CTNNA2: variants seen among roughly 807,000 people sequenced by gnomAD.
CTNNA2 encodes the protein catenin alpha 2.
Under a neutral mutation model 101.0 loss-of-function variants are expected in CTNNA2, and 42 were observed. That is an observed-to-expected ratio of 0.42 (90% CI 0.32 to 0.54). The LOEUF is 0.54. Ranked by LOEUF, CTNNA2 falls within the 20% of genes least tolerant of loss-of-function variation. CTNNA2 has a pLI of 0.14. For missense variants in CTNNA2, 871 were observed against 1,223.1 expected (o/e 0.71, Z 4.29); for synonymous variants, 450 against 456.4 (o/e 0.99, Z 0.18).
intron 3 of CTNNA2, among the ~76,000 whole-genome samples, chr2:79,763,012 T>C (rs1672903288): frequency 6.6e-6 from 1 of 152,210 alleles, no homozygotes; most frequent in African/African-American, 2.4e-5. Flanking sequence ...ACCCAAGTGC[T>C]CTTATCCCCT....
intron 2 of CTNNA2, among the ~76,000 whole-genome samples, chr2:79,280,795 C>A (rs1675356955): frequency 6.6e-6 from 1 of 151,946 alleles, no homozygotes; most frequent in African/African-American, 2.4e-5. Flanking sequence ...CTAGAACATG[C>A]TGTGACTGCA....
intron 4 of CTNNA2, among the ~76,000 whole-genome samples, chr2:79,497,839 A>T (rs1671276098): frequency 6.6e-6 from 1 of 152,226 alleles, no homozygotes; most frequent in South Asian, 2.1e-4. Context: ...TTATATATAA[A>T]TTTCAAGGTG....
At chr2:79,666,467 G>C (rs901072829) in intron 2 of CTNNA2, among the ~76,000 whole-genome samples, 2 of 152,044 alleles carry the variant, frequency 1.3e-5, no homozygotes, top group African/African-American at 4.8e-5. Context: ...GTGCATTTTT[G>C]TCTTTGTTCT....
At chr2:80,212,758 T>G (rs1224350921) in intron 7 of CTNNA2, among the ~76,000 whole-genome samples, 2 of 152,182 alleles carry the variant, frequency 1.3e-5, no homozygotes, top group South Asian at 2.1e-4. Flanking sequence ...GGATTCCCTC[T>G]TTTTCTATTG....
intron 2 of CTNNA2, among the ~76,000 whole-genome samples, chr2:79,700,338 T>C (rs1684921182): frequency 1.3e-5 from 2 of 152,158 alleles, no homozygotes; most frequent in African/African-American, 4.8e-5. Flanking sequence ...ATAGCATTTC[T>C]GATGCTGATG....
At chr2:80,133,114 A>T (rs1702500741) in intron 7 of CTNNA2, among the ~76,000 whole-genome samples, 1 of 152,178 alleles carries the variant, frequency 6.6e-6, no homozygotes, top group Non-Finnish European at 1.5e-5. Context: ...TTGGACACAG[A>T]CATACAAGGA....
chr2:79,498,967 TCTATACTGTAGACCTCA>T (rs1278846057), intron 4 of CTNNA2: 1 of 152,250 alleles, frequency 6.6e-6, no homozygotes, highest in African/African-American at 2.4e-5. Context: ...CAATCCAGTA[TCTATACTGTAGACCTCA>T]GTGAAGGCTG....
chr2:80,541,154 T>C (rs1691519189), intron 9 of CTNNA2, among the ~76,000 whole-genome samples: 1 of 151,000 alleles, frequency 6.6e-6, no homozygotes, highest in Middle Eastern at 3.4e-3. Flanking sequence ...AAAGGGAAGG[T>C]AGGGATTTGG....
intron 7 of CTNNA2, among the ~76,000 whole-genome samples, chr2:80,222,440 A>T (rs569871373): frequency 5.6e-4 from 85 of 152,294 alleles, no homozygotes; most frequent in Non-Finnish European, 1.1e-3. Context: ...GAAAGTCATG[A>T]CTCAGATCTT....
chr2:79,270,604 A>T (rs979897625), intron 2 of CTNNA2, among the ~76,000 whole-genome samples: 1 of 151,946 alleles, frequency 6.6e-6, no homozygotes, highest in Non-Finnish European at 1.5e-5. Flanking sequence ...GTTCCTCTCT[A>T]TGCAGCTCCC....
intron 2 of CTNNA2, among the ~76,000 whole-genome samples, chr2:79,660,814 C>CAGA (rs905896574): frequency 1.5e-4 from 23 of 151,934 alleles, no homozygotes; most frequent in African/African-American, 5.3e-4. Context: ...GAGTAATGTA[C>CAGA]AGAACCCTTT....
At chr2:79,707,789 A>G (rs1299577756) in intron 2 of CTNNA2, among the ~76,000 whole-genome samples, 2 of 152,178 alleles carry the variant, frequency 1.3e-5, no homozygotes, top group Non-Finnish European at 2.9e-5. Context: ...TCGTGGAAAT[A>G]GATATCTTGC....
At chr2:79,396,816 G>A (rs946471905) in intron 4 of CTNNA2, among the ~76,000 whole-genome samples, 8 of 151,998 alleles carry the variant, frequency 5.3e-5, no homozygotes, top group Non-Finnish European at 8.8e-5. Context: ...TTAAAATTGG[G>A]CAAAAAATAA....
Position 79,378,757 on chromosome 2 carries a change from GA to G in CTNNA2, c.-135+4752del, listed in dbSNP as rs199759827. On this transcript the variant is annotated intron_variant, in intron 4 of 21. Transcript: ENST00000466387. ...AATGCCCAAATAACCATTTATAATG[GA>G]AAAAAAATCCTTTTGGGAGCTCATT... 2.6e-5 allele frequency among the ~76,000 whole-genome samples: 4 copies of G among 151,764 alleles called. No individual in the cohort carries two copies. The East Asian group carries it at 5.8e-4, about 22-fold the overall frequency.
At chr2:80,007,427 T>G (rs1377823963) in intron 7 of CTNNA2, among the ~76,000 whole-genome samples, 1 of 152,140 alleles carries the variant, frequency 6.6e-6, no homozygotes, top group African/African-American at 2.4e-5. Context: ...TGCTTTACTT[T>G]AAATCTGATT....
At chr2:79,735,197 C>A (rs1186439647) in intron 2 of CTNNA2, among the ~76,000 whole-genome samples, 1 of 152,128 alleles carries the variant, frequency 6.6e-6, no homozygotes, top group African/African-American at 2.4e-5. Flanking sequence ...TGGAGCTTAT[C>A]TGTGCTGCTA....
intron 7 of CTNNA2, among the ~76,000 whole-genome samples, chr2:80,389,730 TA>T (rs1297333793): frequency 6.6e-6 from 1 of 152,200 alleles, no homozygotes; most frequent in Non-Finnish European, 1.5e-5. Context: ...AAAGGGCCAG[TA>T]AATTGACTAT....
intron 7 of CTNNA2, among the ~76,000 whole-genome samples, chr2:79,941,451 C>T (rs1688154978): frequency 6.6e-6 from 1 of 152,102 alleles, no homozygotes; most frequent in South Asian, 2.1e-4. Context: ...TCATGGGACA[C>T]CTAGAGTGCT....
intron 9 of CTNNA2, among the ~76,000 whole-genome samples, chr2:80,467,343 A>G (rs369026278): frequency 1.3e-5 from 2 of 152,372 alleles, no homozygotes; most frequent in East Asian, 1.9e-4. Context: ...ACACTAATTG[A>G]CTGCATTGTA....
Sources: gnomAD v4.1 joint callset for allele counts (sites outside exome capture counted in the v4.1 genomes callset) on GRCh38, gnomAD v4.1.1 for gene constraint, MANE v1.5 for transcripts, NCBI Gene and HGNC (gene_info 2026-07-23, HGNC 2026-07-21) for gene names.